ETV6: variants seen among roughly 807,000 people sequenced by gnomAD.
ETV6 encodes the protein transcription factor ETV6.
ETV6 carries 16 observed loss-of-function variants against 51.1 expected under a neutral mutation model. The ratio of observed to expected loss-of-function variants is 0.31; its 90% CI spans 0.21 to 0.48. The LOEUF is 0.48. Among genes scored for constraint, ETV6 ranks in the 20% least tolerant of loss-of-function variants. The pLI is 0.99. For synonymous variants in ETV6, 240 were observed against 224.1 expected (o/e 1.07, Z -0.64); for missense variants, 458 against 594.8 (o/e 0.77, Z 2.39).
rs1863855780 is a variant in ETV6 at position 11,649,898 on chromosome 12, G to C, written c.-230G>C. 6.3e-6 allele frequency: 1 copy of C among 158,610 alleles called. No homozygotes were observed. The highest frequency in any genetic ancestry group is 6.6e-5 in the Admixed American group (1 of 15,196). 9.8% of individuals were successfully genotyped at this position (158,610 alleles called of 1,614,324 possible). ...CGCGCCGCGACCTGCAGACCCCGCC[G>C]CCGCGCTCGGGCCCGTCTCCCACGC... On this transcript the variant is annotated 5_prime_UTR_variant, in exon 1 of 8. Transcript: ENST00000396373.
At chr12:11,877,671 C>G (rs776993319) in intron 5 of ETV6, among the ~76,000 whole-genome samples, 2 of 152,108 alleles carry the variant, frequency 1.3e-5, no homozygotes, top group Non-Finnish European at 2.9e-5. Context: ...CAGATGGCCC[C>G]GAACAGTCCT....
At chr12:11,683,496 T>C (rs1049546759) in intron 1 of ETV6, among the ~76,000 whole-genome samples, 7 of 152,240 alleles carry the variant, frequency 4.6e-5, no homozygotes, top group African/African-American at 1.7e-4. Flanking sequence ...AGAATAACTT[T>C]AATAAATAAA....
At chr12:11,765,406 A>G (rs1945148038) in intron 2 of ETV6, among the ~76,000 whole-genome samples, 3 of 151,294 alleles carry the variant, frequency 2.0e-5, no homozygotes, top group Admixed American at 1.3e-4. Context: ...TCTCAGGTTC[A>G]ATACCATTCT....
chr12:11,874,456 GTA>G (rs1946933959), intron 5 of ETV6, among the ~76,000 whole-genome samples: 3 of 142,258 alleles, frequency 2.1e-5, no homozygotes, highest in African/African-American at 7.8e-5. Context: ...ATATGCGTAT[GTA>G]TATATACACA....
chr12:11,660,270 CACTAGGGTAT>C (rs1478637923), intron 1 of ETV6, among the ~76,000 whole-genome samples: 6 of 152,238 alleles, frequency 3.9e-5, no homozygotes, highest in East Asian at 3.9e-4. Context: ...AGTAGATCTG[CACTAGGGTAT>C]ACAGGAGGAA....
chr12:11,747,805 T>G (rs1487054344), intron 1 of ETV6, among the ~76,000 whole-genome samples: 1 of 152,250 alleles, frequency 6.6e-6, no homozygotes, highest in African/African-American at 2.4e-5. Flanking sequence ...TTTTTGTTAA[T>G]GTGTCTATAG....
intron 1 of ETV6, among the ~76,000 whole-genome samples, chr12:11,661,847 G>A (rs1864105924): frequency 6.6e-6 from 1 of 152,186 alleles, no homozygotes; most frequent in African/African-American, 2.4e-5. Context: ...CTGTGAGTGA[G>A]GAGATGAGGG....
chr12:11,651,548 A>G (rs918062502), intron 1 of ETV6, among the ~76,000 whole-genome samples: 5 of 152,216 alleles, frequency 3.3e-5, no homozygotes, highest in African/African-American at 9.7e-5. Context: ...GTGTTTGTAC[A>G]TAACTGGAGG....
chr12:11,833,355 G>A (rs7957350), intron 2 of ETV6, among the ~76,000 whole-genome samples: 10,965 of 152,206 alleles, frequency 0.072, 949 homozygotes, highest in African/African-American at 0.21. Flanking sequence ...TCATTTTTCA[G>A]TTGACACCAG....
intron 2 of ETV6, among the ~76,000 whole-genome samples, chr12:11,753,819 C>T (rs980994975): frequency 2.6e-5 from 4 of 152,244 alleles, no homozygotes; most frequent in African/African-American, 9.6e-5. Flanking sequence ...TTCCCTCCTG[C>T]AGCTTGCTGC....
intron 2 of ETV6, among the ~76,000 whole-genome samples, chr12:11,779,959 A>G (rs1945388414): frequency 6.6e-6 from 1 of 152,252 alleles, no homozygotes; most frequent in Admixed American, 6.5e-5. Context: ...TTATGCAATT[A>G]CAAATAGATG....
At chr12:11,747,525 T>C (rs547037653) in intron 1 of ETV6, among the ~76,000 whole-genome samples, 6 of 152,220 alleles carry the variant, frequency 3.9e-5, no homozygotes, top group Non-Finnish European at 5.9e-5. Context: ...GGTATGCTCT[T>C]TCTTTCTGGG....
chr12:11,827,072 A>T (rs73052078), intron 2 of ETV6, among the ~76,000 whole-genome samples: 19,301 of 82,272 alleles, frequency 0.23, 1,348 homozygotes, highest in Middle Eastern at 0.33. Flanking sequence ...AGTCTGTCTC[A>T]CACACACACA....
At chr12:11,712,114 C>A (rs886814307) in intron 1 of ETV6, among the ~76,000 whole-genome samples, 6 of 152,120 alleles carry the variant, frequency 3.9e-5, no homozygotes, top group African/African-American at 1.4e-4. Context: ...TTTGAACCCT[C>A]GTAAACATGC....
intron 5 of ETV6, among the ~76,000 whole-genome samples, chr12:11,878,108 G>A (rs1947020091): frequency 2.0e-5 from 3 of 152,120 alleles, no homozygotes; most frequent in Admixed American, 1.3e-4. Context: ...CTGAAGCTTT[G>A]CCTGCTGTCC....
intron 1 of ETV6, among the ~76,000 whole-genome samples, chr12:11,669,119 C>T (rs1202110445): frequency 6.6e-6 from 1 of 152,216 alleles, no homozygotes. Context: ...CTGGGCTTTG[C>T]TTCCCCCTTC....
At chr12:11,757,289 G>A (rs989083262) in intron 2 of ETV6, among the ~76,000 whole-genome samples, 1 of 152,134 alleles carries the variant, frequency 6.6e-6, no homozygotes. Context: ...TGCCTTCTCA[G>A]CAGAGTAACT....
intron 1 of ETV6, among the ~76,000 whole-genome samples, chr12:11,692,857 C>G (rs533060506): frequency 2.6e-5 from 4 of 151,932 alleles, no homozygotes; most frequent in African/African-American, 9.7e-5. Flanking sequence ...CAAGACCAGC[C>G]TGGGCAACAT....
At chr12:11,865,713 A>G (rs1009135937) in intron 4 of ETV6, among the ~76,000 whole-genome samples, 3 of 148,962 alleles carry the variant, frequency 2.0e-5, no homozygotes, top group Non-Finnish European at 4.4e-5. Flanking sequence ...GTATATATAT[A>G]CTATATATCA....
Sources: allele counts gnomAD v4.1 joint callset (sites outside exome capture counted in the v4.1 genomes callset), GRCh38; gene constraint gnomAD v4.1.1; transcripts MANE v1.5; gene names NCBI Gene and HGNC (gene_info 2026-07-23, HGNC 2026-07-21).